ARHGAP6: variants seen among roughly 807,000 people sequenced by gnomAD.
ARHGAP6 encodes the protein Rho GTPase activating protein 6.
Under a neutral mutation model 55.7 loss-of-function variants are expected in ARHGAP6, and 16 were observed. The ratio of observed to expected loss-of-function variants is 0.29; its 90% confidence interval spans 0.19 to 0.44. The LOEUF (loss-of-function observed/expected upper bound fraction) is 0.44, where lower values mean the gene tolerates loss of function less well. Among genes scored for constraint, ARHGAP6 ranks in the 20% least tolerant of loss-of-function variants. The pLI is 1.00. For missense variants in ARHGAP6, 698 were observed against 808.9 expected (o/e 0.86, Z 1.66); for synonymous variants, 382 against 360.9 (o/e 1.06, Z -0.66).
At chrX:11,504,309 T>C (rs886107774) in intron 1 of ARHGAP6, among the ~76,000 whole-genome samples, 1 of 111,769 alleles carries the variant, frequency 8.9e-6, no homozygotes, top group African/African-American at 3.3e-5. Context: ...CTCTGTACTA[T>C]TGACATTTTA....
chrX:11,357,372 T>C (rs750569788), intron 1 of ARHGAP6, among the ~76,000 whole-genome samples: 1 of 111,984 alleles, frequency 8.9e-6, no homozygotes, highest in African/African-American at 3.2e-5. Context: ...GCAATGAGGA[T>C]GGAAGAAATC....
intron 1 of ARHGAP6, among the ~76,000 whole-genome samples, chrX:11,527,011 AGTGTGT>A (rs59668043): frequency 0.027 from 2,219 of 81,021 alleles, 29 homozygotes; most frequent in Middle Eastern, 0.071. Flanking sequence ...TAATATGAGG[AGTGTGT>A]GTGTGTGTGT....
chrX:11,480,509 A>T (rs958396997), intron 1 of ARHGAP6, among the ~76,000 whole-genome samples: 5 of 111,541 alleles, frequency 4.5e-5, no homozygotes, highest in Admixed American at 2.9e-4. Flanking sequence ...TTGTGGTGTG[A>T]TAAAAATGTT....
chrX:11,450,018 C>T (rs2050128699), intron 1 of ARHGAP6, among the ~76,000 whole-genome samples: 1 of 111,244 alleles, frequency 9.0e-6, no homozygotes, highest in African/African-American at 3.3e-5. Context: ...GCACATTCCA[C>T]GACCATGGAC....
chrX:11,283,611 G>A (rs1407468043), intron 1 of ARHGAP6, among the ~76,000 whole-genome samples: 1 of 112,019 alleles, frequency 8.9e-6, no homozygotes, highest in Non-Finnish European at 1.9e-5. Flanking sequence ...TAAGGAGATT[G>A]TCCTGAATTA....
chrX:11,576,314 T>C (rs187853242), intron 1 of ARHGAP6, among the ~76,000 whole-genome samples: 97 of 112,339 alleles, frequency 8.6e-4, no homozygotes, highest in Non-Finnish European at 1.4e-3. Context: ...CCATTGTGTA[T>C]GGCATATATT....
intron 9 of ARHGAP6, among the ~76,000 whole-genome samples, chrX:11,166,068 C>T (rs1003608138): frequency 1.8e-5 from 2 of 112,150 alleles, no homozygotes; most frequent in Admixed American, 9.4e-5. Flanking sequence ...CCTAGCCAGA[C>T]TCTTAAATTG....
At chrX:11,633,786 T>C (rs1420892294) in intron 1 of ARHGAP6, among the ~76,000 whole-genome samples, 1 of 111,678 alleles carries the variant, frequency 9.0e-6, no homozygotes, top group African/African-American at 3.3e-5. Context: ...ATTTGGTGAA[T>C]GGATGTGGCT....
intron 10 of ARHGAP6, among the ~76,000 whole-genome samples, chrX:11,153,519 G>A (rs1412079499): frequency 5.5e-5 from 3 of 54,783 alleles, no homozygotes; most frequent in South Asian, 1.6e-3. Flanking sequence ...AGCGAGACTC[G>A]ATCTCAAAAA....
intron 1 of ARHGAP6, among the ~76,000 whole-genome samples, chrX:11,288,757 T>C (rs866270156): frequency 8.9e-6 from 1 of 112,152 alleles, no homozygotes; most frequent in Non-Finnish European, 1.9e-5. Flanking sequence ...ATACAGTATA[T>C]GGTATTTTAT....
intron 2 of ARHGAP6, among the ~76,000 whole-genome samples, chrX:11,251,346 G>C (rs1026613150): frequency 8.9e-6 from 1 of 111,851 alleles, no homozygotes; most frequent in African/African-American, 3.2e-5. Flanking sequence ...TGTAAAAGAA[G>C]GTCAAACCCT....
At chrX:11,558,367 A>G (rs979368592) in intron 1 of ARHGAP6, among the ~76,000 whole-genome samples, 4 of 111,788 alleles carry the variant, frequency 3.6e-5, no homozygotes, top group African/African-American at 1.3e-4. Context: ...TTATTTTCCA[A>G]GGAACATTGA....
chrX:11,283,654 C>G (rs2047888036), intron 1 of ARHGAP6, among the ~76,000 whole-genome samples: 1 of 111,601 alleles, frequency 9.0e-6, no homozygotes, highest in Non-Finnish European at 1.9e-5. Context: ...ACAGGAGCAA[C>G]TTAAATGTGG....
intron 1 of ARHGAP6, among the ~76,000 whole-genome samples, chrX:11,329,329 A>C (rs145708932): frequency 0.01 from 1,158 of 111,726 alleles, 15 homozygotes; most frequent in African/African-American, 0.036. Flanking sequence ...GGTATTCAAC[A>C]GTTTGACATA....
intron 1 of ARHGAP6, among the ~76,000 whole-genome samples, chrX:11,394,668 G>A (rs2147743212): frequency 9.0e-6 from 1 of 110,920 alleles, no homozygotes; most frequent in African/African-American, 3.3e-5. Context: ...TCCTTCCTAG[G>A]ACACCCATTT....
chrX:11,336,360 G>A (rs1427888500), intron 1 of ARHGAP6, among the ~76,000 whole-genome samples: 1 of 111,193 alleles, frequency 9.0e-6, no homozygotes. Flanking sequence ...GGCTTCCTTT[G>A]CACCTGGAGC....
chrX:11,250,645 A>C (rs1232285165), intron 2 of ARHGAP6, among the ~76,000 whole-genome samples: 1 of 111,553 alleles, frequency 9.0e-6, no homozygotes, highest in Non-Finnish European at 1.9e-5. Context: ...TGAAGCCGGC[A>C]ACATTGCATC....
At chrX:11,492,035 T>A (rs1261372917) in intron 1 of ARHGAP6, among the ~76,000 whole-genome samples, 1 of 108,237 alleles carries the variant, frequency 9.2e-6, no homozygotes, top group Non-Finnish European at 1.9e-5. Flanking sequence ...TCTGTTCATG[T>A]CCTTCACCCA....
intron 1 of ARHGAP6, among the ~76,000 whole-genome samples, chrX:11,454,802 G>A (rs895695597): frequency 1.8e-5 from 2 of 112,194 alleles, no homozygotes; most frequent in African/African-American, 3.2e-5. Context: ...GGGATGAGAC[G>A]GATCTCATGT....
Sources: gnomAD v4.1 joint callset for allele counts (sites outside exome capture counted in the v4.1 genomes callset) on GRCh38, gnomAD v4.1.1 for gene constraint, MANE v1.5 for transcripts, NCBI Gene and HGNC (gene_info 2026-07-23, HGNC 2026-07-21) for gene names.